The following ARHGAP26 variants were observed in gnomAD, a reference collection of about 807,000 sequenced individuals.
ARHGAP26 encodes the protein Rho GTPase activating protein 26.
In ARHGAP26, 38 loss-of-function variants were observed where a neutral mutation model predicts 104.8. The ratio of observed to expected loss-of-function variants is 0.36; its 90% confidence interval spans 0.28 to 0.48. The LOEUF (loss-of-function observed/expected upper bound fraction) is 0.48, where lower values mean the gene tolerates loss of function less well. ARHGAP26 is among the 20% of genes least tolerant of loss of function. ARHGAP26 has a pLI of 0.99. For synonymous variants in ARHGAP26, 341 were observed against 340.0 expected, an observed-to-expected ratio of 1.00 and a Z score of -0.03; for missense variants, 704 against 947.9, an observed-to-expected ratio of 0.74 and a Z score of 3.38.
chr5:142,826,673 A>G (rs1476969037), intron 1 of ARHGAP26, among the ~76,000 whole-genome samples: 1 of 152,158 alleles, frequency 6.6e-6, no homozygotes, highest in Non-Finnish European at 1.5e-5. Context: ...CTTGAGACCC[A>G]TGAGGTGGGG....
At chr5:142,983,455 C>T (rs560209326) in intron 11 of ARHGAP26, among the ~76,000 whole-genome samples, 1 of 152,194 alleles carries the variant, frequency 6.6e-6, no homozygotes, top group Non-Finnish European at 1.5e-5. Flanking sequence ...ATCTGCCCTC[C>T]TCGGCCTCTC....
chr5:142,867,460 A>C (rs763615161), intron 1 of ARHGAP26, among the ~76,000 whole-genome samples: 5 of 152,082 alleles, frequency 3.3e-5, no homozygotes, highest in Admixed American at 6.6e-5. Context: ...GACTTGGGGA[A>C]ATGGGGAGTC....
At position 143,167,307 on chromosome 5, in the gene ARHGAP26, T is replaced by TAA. The variant is rs35142931; in HGVS notation, c.1988+19950_1988+19951dup. On this transcript the variant is annotated intron_variant, in intron 20 of 22. Coordinates refer to ENST00000645722, the MANE Select transcript of ARHGAP26 (RefSeq NM_001135608.3). ...CATTGTTGAAACCTCATCTCTACTT[T>TAA]AAAAAAAAAAAAAAAAAAAAAAAAA... 5.7e-4 allele frequency among the ~76,000 whole-genome samples: 55 copies of TAA among 96,898 alleles called. 1 individual carries two copies. The highest frequency in any genetic ancestry group is 2.2e-3 in the African/African-American group (54 of 24,440). The allele number at this position is 96,898 out of a possible 152,430, so 63.6% of individuals were successfully genotyped here. A position where few individuals can be genotyped will look rare whatever the true frequency, so the allele number is the denominator to read the frequency against.
At chr5:142,971,460 T>C (rs898439979) in intron 11 of ARHGAP26, among the ~76,000 whole-genome samples, 1 of 152,210 alleles carries the variant, frequency 6.6e-6, no homozygotes, top group Non-Finnish European at 1.5e-5. Context: ...GATTAGCTGC[T>C]ATCTCCTCAG....
chr5:142,963,204 G>T (rs531576281), intron 11 of ARHGAP26, among the ~76,000 whole-genome samples: 1 of 96,162 alleles, frequency 1.0e-5, no homozygotes, highest in Non-Finnish European at 1.8e-5. Context: ...ATATATGTGT[G>T]TGTGTGTGTG....
chr5:142,971,346 A>G (rs988355180), intron 11 of ARHGAP26, among the ~76,000 whole-genome samples: 2 of 152,204 alleles, frequency 1.3e-5, no homozygotes, highest in Admixed American at 1.3e-4. Context: ...GAAGGAAAGC[A>G]TCTATATCTT....
At position 142,770,653 on chromosome 5, in the gene ARHGAP26, C is replaced by G. The variant is rs960103213; in HGVS notation, c.-109C>G. ...TGAGCCAGCGCCACACCTGTGGAGC[C>G]GGCGGCCGTCGGGGGAGCCGGCCGG... On this transcript the variant is annotated 5_prime_UTR_variant, in exon 1 of 23. Coordinates refer to ENST00000645722, the MANE Select transcript of ARHGAP26 (RefSeq NM_001135608.3). The G allele has an allele frequency of 5.3e-5, 43 of 811,962 alleles. No homozygotes were observed. In the Middle Eastern group the frequency reaches 1.7e-3, roughly 32 times the overall value. The allele number at this position is 811,962 out of a possible 1,614,324, so 50.3% of individuals were successfully genotyped here. A position where few individuals can be genotyped will look rare whatever the true frequency, so the allele number is the denominator to read the frequency against.
chr5:142,963,196 A>ATGTGTGTGTGTGTG (rs1381593823), intron 11 of ARHGAP26, among the ~76,000 whole-genome samples: 32 of 100,708 alleles, frequency 3.2e-4, no homozygotes, highest in African/African-American at 2.0e-3. Context: ...ATATATATAT[A>ATGTGTGTGTGTGTG]TATGTGTGTG....
At chr5:143,131,419 G>T (rs1473327902) in intron 18 of ARHGAP26, among the ~76,000 whole-genome samples, 4 of 152,198 alleles carry the variant, frequency 2.6e-5, no homozygotes, top group Non-Finnish European at 4.4e-5. Flanking sequence ...GACAAAATTT[G>T]GAGGCCAGAG....
chr5:142,838,024 C>T (rs539782654), intron 1 of ARHGAP26, among the ~76,000 whole-genome samples: 39 of 152,086 alleles, frequency 2.6e-4, no homozygotes, highest in South Asian at 1.5e-3. Context: ...TTTGAGAAGC[C>T]GAGGCAGGTG....
chr5:143,015,849 A>G (rs1779515825), intron 12 of ARHGAP26, among the ~76,000 whole-genome samples: 1 of 152,214 alleles, frequency 6.6e-6, no homozygotes, highest in Non-Finnish European at 1.5e-5. Flanking sequence ...TTGAAGGACA[A>G]CCATGGTTCT....
chr5:142,831,648 C>G (rs891349949), intron 1 of ARHGAP26, among the ~76,000 whole-genome samples: 2 of 151,594 alleles, frequency 1.3e-5, no homozygotes, highest in African/African-American at 4.8e-5. Flanking sequence ...TCCTCCAAAC[C>G]CTCCTCCTCC....
At chr5:143,073,363 T>C (rs1029676845) in intron 17 of ARHGAP26, among the ~76,000 whole-genome samples, 2 of 152,204 alleles carry the variant, frequency 1.3e-5, no homozygotes, top group Non-Finnish European at 2.9e-5. Flanking sequence ...TACTCTCTAG[T>C]GTTATTGATA....
intron 1 of ARHGAP26, among the ~76,000 whole-genome samples, chr5:142,834,871 T>C (rs1035964414): frequency 2.0e-5 from 3 of 152,240 alleles, no homozygotes; most frequent in Non-Finnish European, 4.4e-5. Flanking sequence ...CAAAGGAACA[T>C]GCATTAAAGG....
At chr5:143,042,849 C>T (rs918819814) in intron 14 of ARHGAP26, among the ~76,000 whole-genome samples, 2 of 152,198 alleles carry the variant, frequency 1.3e-5, no homozygotes, top group Non-Finnish European at 2.9e-5. Context: ...GTAGCCAAAA[C>T]CCTATTGTAT....
At chr5:142,827,939 G>T (rs899873450) in intron 1 of ARHGAP26, among the ~76,000 whole-genome samples, 2 of 152,186 alleles carry the variant, frequency 1.3e-5, no homozygotes, top group Non-Finnish European at 2.9e-5. Flanking sequence ...TGTTGTTTAT[G>T]CTGTAGCCCT....
chr5:142,880,524 A>T (rs1756827924), intron 4 of ARHGAP26, among the ~76,000 whole-genome samples: 2 of 152,130 alleles, frequency 1.3e-5, no homozygotes. Flanking sequence ...GTCCAAAAAA[A>T]AAAAAATCAC....
At chr5:143,183,073 C>CAAAAAAAAAAAAAAAAAAA in intron 20 of ARHGAP26, among the ~76,000 whole-genome samples, 1 of 89,964 alleles carries the variant, frequency 1.1e-5, no homozygotes, top group Non-Finnish European at 2.4e-5. Flanking sequence ...TGAAAAGTGG[C>CAAAAAAAAAAAAAAAAAAA]AAAAAAAAAA....
intron 11 of ARHGAP26, among the ~76,000 whole-genome samples, chr5:142,971,607 A>C (rs1772286139): frequency 6.6e-6 from 1 of 152,076 alleles, no homozygotes; most frequent in Non-Finnish European, 1.5e-5. Flanking sequence ...TTAGAAACGG[A>C]GGCTGATGAC....
Sources: gnomAD v4.1 joint callset for allele counts (sites outside exome capture counted in the v4.1 genomes callset) on GRCh38, gnomAD v4.1.1 for gene constraint, MANE v1.5 for transcripts, NCBI Gene and HGNC (gene_info 2026-07-23, HGNC 2026-07-21) for gene names.